MCC: variants seen among roughly 807,000 people sequenced by gnomAD.
MCC encodes the protein colorectal mutant cancer protein.
MCC carries 90 observed loss-of-function variants against 116.2 expected under a neutral mutation model. The ratio of observed to expected loss-of-function variants is 0.77; its 90% CI spans 0.65 to 0.92. The LOEUF (loss-of-function observed/expected upper bound fraction) is 0.92. MCC is among the 40% of genes least tolerant of loss of function. The pLI is 0.00. For synonymous variants in MCC, 578 were observed against 510.5 expected, an observed-to-expected ratio of 1.13 and a Z score of -1.78; for missense variants, 1,516 against 1,312.2, an observed-to-expected ratio of 1.16 and a Z score of -2.40.
rs1178764422 is a variant in MCC, at chr5:113,025,691, C to T, written c.*1611G>A. The T allele has an allele frequency of 6.6e-6, 1 of 151,934 alleles. No homozygotes were observed. Among genetic ancestry groups the T allele is most frequent in the Admixed American group, 6.6e-5 (1 of 15,252 alleles). 9.4% of individuals were successfully genotyped at this position (151,934 alleles called of 1,614,324 possible). ...GTGATCAAAGCACCCCAAAGCTGGT[C>T]CTTCTAGACTGATACCAGTTGATCT... On this transcript the variant is annotated 3_prime_UTR_variant, in exon 19 of 19. Transcript: ENST00000408903.
At chr5:113,443,715 A>G (rs1051139416) in intron 1 of MCC, among the ~76,000 whole-genome samples, 3 of 152,156 alleles carry the variant, frequency 2.0e-5, no homozygotes, top group Non-Finnish European at 4.4e-5. Context: ...AGGGGTGTTG[A>G]ATTTTATCGA....
intron 2 of MCC, among the ~76,000 whole-genome samples, chr5:113,348,981 T>TA (rs1768199704): frequency 1.3e-5 from 2 of 151,946 alleles, no homozygotes; most frequent in South Asian, 4.2e-4. Flanking sequence ...CCTAGACACA[T>TA]ACAACTTACC....
In MCC at chr5:113,476,274, G is replaced by A. The variant is rs569056695; in HGVS notation, c.170+11971C>T. Among the ~76,000 whole-genome samples the A allele has an allele frequency of 1.3e-3, 198 of 152,230 alleles. 1 individual carries two copies. Among genetic ancestry groups the A allele is most frequent in the African/African-American group, 4.6e-3 (191 of 41,536 alleles). ...AAAGAAGAACAAAGTTGGACAATTC[G>A]TACTTCCCGATTTCAAAACTTAGAA... On this transcript the variant is annotated intron_variant, in intron 1 of 18. Transcript: ENST00000408903.
intron 2 of MCC, among the ~76,000 whole-genome samples, chr5:113,343,093 C>T (rs1170331602): frequency 6.6e-6 from 1 of 152,282 alleles, no homozygotes; most frequent in East Asian, 1.9e-4. Context: ...TAATTACATA[C>T]AGCAAACTGC....
rs370512909 is a variant in MCC, at chr5:113,249,323, CAG to C, written c.627+91194_627+91195del. Among the ~76,000 whole-genome samples the C allele has an allele frequency of 1.1e-3, 166 of 152,210 alleles. 1 individual carries two copies. The highest frequency in any genetic ancestry group is 3.8e-3 in the African/African-American group (159 of 41,484). ...GATCTGCTCAGAACCAAATAAAACA[CAG>C]AAAGCTCAGGGGGTCAGCAGAGGGA... On this transcript the variant is annotated intron_variant, in intron 3 of 18. Coordinates refer to ENST00000408903, the MANE Select transcript of MCC (RefSeq NM_001085377.2).
At chr5:113,344,676 T>C (rs901836697) in intron 2 of MCC, among the ~76,000 whole-genome samples, 1 of 151,882 alleles carries the variant, frequency 6.6e-6, no homozygotes, top group African/African-American at 2.4e-5. Flanking sequence ...TTTGTAGACA[T>C]ACCCTGGGCC....
rs941093491 is a variant in MCC at position 113,118,796 on chromosome 5, C to T, written c.1027+3888G>A. 2.6e-5 allele frequency among the ~76,000 whole-genome samples: 4 copies of T among 152,192 alleles called. No individual in the cohort carries two copies. The East Asian group carries it at 7.7e-4, about 29-fold the overall frequency. On this transcript the variant is annotated intron_variant, in intron 6 of 18. Transcript: ENST00000408903. ...ATAAGAAGAGGGAGACAGCCAGTTC[C>T]GATGAACAAACACACTGACGGCACT...
rs1754963548 is a variant in MCC, at chr5:113,082,974, G to C, written c.1670C>G (p.Ser557Ter). The change falls in exon 11 of 19, where the codon TCA (serine) becomes TGA (stop). Residue 557 changes from serine to a stop codon, truncating the protein, a stop_gained. Coordinates refer to ENST00000408903, the MANE Select transcript of MCC (RefSeq NM_001085377.2). LOFTEE classifies it high-confidence loss of function. ...TTGGATATTGGAGCAGTCCTGAAGT[G>C]AGTGGGCCAGGTGTTCAGCCACACT... ...SSSVAEHLAH[S>*]LQDCSNIQEI... 1 of 1,613,750 alleles carries C rather than the reference G, an allele frequency of 6.2e-7. No individual in the cohort carries two copies. The highest frequency in any genetic ancestry group is 1.3e-5 in the African/African-American group (1 of 74,908).
intron 3 of MCC, among the ~76,000 whole-genome samples, chr5:113,334,180 T>C (rs1017014888): frequency 6.7e-6 from 1 of 148,322 alleles, no homozygotes; most frequent in African/African-American, 2.5e-5. Context: ...TTTTATGTTT[T>C]AGAATATTTA....
In MCC at chr5:113,147,810, T is replaced by C. The variant is rs577345811; in HGVS notation, c.741+3499A>G. Among the ~76,000 whole-genome samples the C allele has an allele frequency of 2.6e-5, 4 of 152,238 alleles. 1 individual carries two copies. The highest frequency in any genetic ancestry group is 9.6e-5 in the African/African-American group (4 of 41,554). Reference sequence around the variant, plus strand: ...ATAAACGAATAGGAGAGGAATGGAATGAGGCGACCCTAACAAAAATACATG... The same window carrying C: ...ATAAACGAATAGGAGAGGAATGGAACGAGGCGACCCTAACAAAAATACATG... On this transcript the variant is annotated intron_variant, in intron 4 of 18. Transcript: ENST00000408903.
intron 6 of MCC, among the ~76,000 whole-genome samples, chr5:113,120,056 T>G (rs1757644998): frequency 6.6e-6 from 1 of 152,236 alleles, no homozygotes; most frequent in Admixed American, 6.5e-5. Context: ...GGTCATTTAT[T>G]AATTCCATAA....
chr5:113,434,026 T>A lies in MCC; in HGVS notation c.171-48814A>T. On this transcript the variant is annotated intron_variant, in intron 1 of 18. Coordinates refer to ENST00000408903, the MANE Select transcript of MCC (RefSeq NM_001085377.2). The surrounding 1 kb of genome is among the most constrained non-coding windows in gnomAD (Gnocchi z 4.2). Reference sequence around the variant, plus strand: ...GGAGATCCCCGTGCCTTGGGCTGCATCCAGCAGTGGCTGAGGATCTCGTCG... The same window carrying A: ...GGAGATCCCCGTGCCTTGGGCTGCAACCAGCAGTGGCTGAGGATCTCGTCG... 6.2e-7 allele frequency: 1 copy of A among 1,614,014 alleles called. No homozygotes were observed. The highest frequency in any genetic ancestry group is 1.3e-5 in the African/African-American group (1 of 75,060).
chr5:113,358,152 T>C (rs1324949944), intron 2 of MCC, among the ~76,000 whole-genome samples: 1 of 152,142 alleles, frequency 6.6e-6, no homozygotes, highest in African/African-American at 2.4e-5. Context: ...GTAAAGAAAA[T>C]GAAAATAGCC....
chr5:113,176,522 G>A (rs753325167), intron 3 of MCC, among the ~76,000 whole-genome samples: 5 of 152,214 alleles, frequency 3.3e-5, no homozygotes, highest in Non-Finnish European at 5.9e-5. Context: ...ACAGCTAAGG[G>A]TGACGGCTCC....
At position 113,029,027 on chromosome 5, in the gene MCC, T is replaced by C. The variant is rs773046677; in HGVS notation, c.2786A>G (p.Glu929Gly). The C allele has an allele frequency of 3.4e-5, 55 of 1,613,482 alleles. No individual in the cohort carries two copies. The highest frequency in any genetic ancestry group is 4.3e-5 in the Non-Finnish European group (51 of 1,179,680). Residue 929 changes from glutamate (E) to glycine (G), a missense_variant, in exon 18 of 19, where the codon GAG becomes GGG. Glu to Gly is a moderately conservative substitution (Grantham distance 98). Transcript: ENST00000408903. ...GAGTCTCTCCAAGGCACTCACCAGC[T>C]CTTGAACTCTGGCCTTCAACTTCTT... ...REKKLKARVQ[E>G]LVSALERLTK...
chr5:113,109,213 C>G (rs1314043708), intron 6 of MCC, among the ~76,000 whole-genome samples: 1 of 151,996 alleles, frequency 6.6e-6, no homozygotes, highest in Non-Finnish European at 1.5e-5. Context: ...ATAATTGTAC[C>G]CCGATGTTCA....
intron 3 of MCC, among the ~76,000 whole-genome samples, chr5:113,154,234 C>T (rs922533577): frequency 6.6e-6 from 1 of 152,142 alleles, no homozygotes; most frequent in Admixed American, 6.5e-5. Flanking sequence ...AAATATTGTA[C>T]AGGGTTATTT....
At chr5:113,247,279 G>C (rs573931465) in intron 3 of MCC, among the ~76,000 whole-genome samples, 7 of 152,348 alleles carry the variant, frequency 4.6e-5, no homozygotes, top group African/African-American at 1.7e-4. Context: ...TCAGTGGAAA[G>C]AGTAGACAAC....
intron 2 of MCC, among the ~76,000 whole-genome samples, chr5:113,372,060 T>G (rs1768848778): frequency 6.6e-6 from 1 of 152,218 alleles, no homozygotes; most frequent in African/African-American, 2.4e-5. Flanking sequence ...ATTGCTTCAG[T>G]TAAATCATGC....
Sources: gnomAD v4.1 joint callset for allele counts (sites outside exome capture counted in the v4.1 genomes callset) on GRCh38, gnomAD v4.1.1 for gene constraint, Gnocchi (gnomAD v3.1) non-coding constraint, MANE v1.5 for transcripts, NCBI Gene and HGNC (gene_info 2026-07-23, HGNC 2026-07-21) for gene names.